The following AP4S1 variants were observed in gnomAD, a reference collection of about 807,000 sequenced individuals.
The protein encoded by AP4S1 is adaptor related protein complex 4 subunit sigma 1, also known as AP-4 complex subunit sigma-1.
In AP4S1, 23 loss-of-function variants were observed where a neutral mutation model predicts 19.8. The ratio of observed to expected loss-of-function variants is 1.16; its 90% confidence interval spans 0.84 to 1.65. AP4S1 has a LOEUF of 1.65. Ranked by LOEUF, AP4S1 falls within the 40% of genes most tolerant of loss-of-function variation. The pLI is 0.00. For missense variants in AP4S1, 166 were observed against 172.8 expected (o/e 0.96, Z 0.22); for synonymous variants, 46 against 54.1 (o/e 0.85, Z 0.66).
chr14:31,076,871 AG>A (rs1476012635), intron 4 of AP4S1, among the ~76,000 whole-genome samples: 1 of 152,222 alleles, frequency 6.6e-6, no homozygotes, highest in African/African-American at 2.4e-5. Flanking sequence ...TTGGTACCAT[AG>A]GCCTTCCTGA....
Position 31,041,224 on chromosome 14 carries a change from A to G in AP4S1, c.-72+15437A>G, listed in dbSNP as rs113300224. On this transcript the variant is annotated intron_variant, in intron 1 of 5. Transcript: ENST00000542754. ...GAGTGCAGTGGCGTAATCTCTGCTCACTGCAACCTCCACCTCCTGAGTTCA... is the reference window on the plus strand; with the variant it reads ...GAGTGCAGTGGCGTAATCTCTGCTCGCTGCAACCTCCACCTCCTGAGTTCA... Among the ~76,000 whole-genome samples, 11 of 152,130 alleles carry G rather than the reference A, an allele frequency of 7.2e-5. 1 individual carries two copies. Among genetic ancestry groups the G allele is most frequent in the African/African-American group, 1.9e-4 (8 of 41,554 alleles).
At chr14:31,031,342 G>T (rs1884376559) in intron 1 of AP4S1, among the ~76,000 whole-genome samples, 1 of 152,160 alleles carries the variant, frequency 6.6e-6, no homozygotes, top group South Asian at 2.1e-4. Context: ...CTGAAGGATT[G>T]CAGCCTTGTA....
intron 1 of AP4S1, among the ~76,000 whole-genome samples, chr14:31,040,888 C>T (rs1212018336): frequency 6.6e-6 from 1 of 151,750 alleles, no homozygotes; most frequent in Non-Finnish European, 1.5e-5. Context: ...ATGTACATAA[C>T]ATGGTGAAAC....
At chr14:31,050,521 G>T (rs1885730235) in intron 1 of AP4S1, among the ~76,000 whole-genome samples, 1 of 151,924 alleles carries the variant, frequency 6.6e-6, no homozygotes. Context: ...TTGCTATGAG[G>T]CTGGTCTCAA....
Position 31,069,925 on chromosome 14 carries a change from C to CT in AP4S1, c.222dup (p.Glu75Ter). ...TTCATTGTGGTTGGAGTTAATGACACTGAGGTAAGATAATAGAAGAGCCCT... is the reference window on the plus strand; with the variant it reads ...TTCATTGTGGTTGGAGTTAATGACACTTGAGGTAAGATAATAGAAGAGCCCT... On this transcript the variant is annotated frameshift_variant, in exon 3 of 6. Coordinates refer to ENST00000542754, the MANE Select transcript of AP4S1 (RefSeq NM_001128126.3). LOFTEE classifies it high-confidence loss of function. 1.2e-6 allele frequency: 2 copies of CT among 1,608,090 alleles called. No individual in the cohort carries two copies. The highest frequency in any genetic ancestry group is 1.7e-6 in the Non-Finnish European group (2 of 1,174,500).
intron 4 of AP4S1, among the ~76,000 whole-genome samples, chr14:31,077,186 C>T (rs56075793): frequency 0.014 from 2,061 of 152,336 alleles, 17 homozygotes; most frequent in Non-Finnish European, 0.02. Context: ...ATCCGCCCGC[C>T]TCAGCCTCCC....
intron 4 of AP4S1, among the ~76,000 whole-genome samples, chr14:31,074,835 C>A (rs1196344130): frequency 2.0e-5 from 3 of 151,720 alleles, no homozygotes; most frequent in Admixed American, 2.0e-4. Flanking sequence ...ATCCCCTCCA[C>A]CCACACCAGG....
Position 31,078,727 on chromosome 14 carries a change from C to T in AP4S1, c.295-1846C>T, listed in dbSNP as rs544804536. Among the ~76,000 whole-genome samples the T allele has an allele frequency of 1.7e-3, 252 of 152,126 alleles. 1 individual carries two copies. The highest frequency in any genetic ancestry group is 5.4e-3 in the African/African-American group (225 of 41,488). The stretch of plus-strand genomic sequence containing the variant: ...GTATAATTTTAGGGAGAGTCAGTGA[C>T]CACATAAACCACGAAAGTAAAGATT... On this transcript the variant is annotated intron_variant, in intron 4 of 5. Coordinates refer to ENST00000542754, the MANE Select transcript of AP4S1 (RefSeq NM_001128126.3).
At chr14:31,051,533 C>T (rs1885795591) in intron 1 of AP4S1, among the ~76,000 whole-genome samples, 1 of 152,132 alleles carries the variant, frequency 6.6e-6, no homozygotes, top group Non-Finnish European at 1.5e-5. Context: ...ATACAAAAAT[C>T]TTTATCTATT....
At chr14:31,045,391 G>A (rs895464336) in intron 1 of AP4S1, among the ~76,000 whole-genome samples, 9 of 152,100 alleles carry the variant, frequency 5.9e-5, no homozygotes, top group African/African-American at 2.2e-4. Context: ...TTGAATCATG[G>A]GGGCAGTTTC....
chr14:31,091,256 T>G (rs1180067475), intron 5 of AP4S1, among the ~76,000 whole-genome samples: 1 of 152,186 alleles, frequency 6.6e-6, no homozygotes, highest in Non-Finnish European at 1.5e-5. Context: ...GGCGACATTT[T>G]CAAAGGCACT....
intron 5 of AP4S1, among the ~76,000 whole-genome samples, chr14:31,084,553 G>A (rs962470436): frequency 2.6e-5 from 4 of 152,146 alleles, no homozygotes; most frequent in East Asian, 1.9e-4. Flanking sequence ...CAGGTGGGGC[G>A]GGCTGCCCCC....
chr14:31,033,811 T>C (rs964411816), intron 1 of AP4S1, among the ~76,000 whole-genome samples: 1 of 152,186 alleles, frequency 6.6e-6, no homozygotes, highest in African/African-American at 2.4e-5. Flanking sequence ...AGAAAATAGA[T>C]ACCAAACCTT....
At position 31,066,364 on chromosome 14, in the gene AP4S1, G is replaced by C. The variant is rs1377862924; in HGVS notation, c.138+30G>C. ...GTCTCTGGTTCTCTCTTTTATCTCT[G>C]CATTCAACTCAGCCTTGGCAGATTT... On this transcript the variant is annotated intron_variant, in intron 2 of 5. Transcript: ENST00000542754. The C allele has an allele frequency of 3.1e-6, 5 of 1,613,394 alleles. No individual in the cohort carries two copies. The South Asian group carries it at 5.5e-5, about 18-fold the overall frequency.
At chr14:31,080,993 T>A (rs1315887811) in intron 5 of AP4S1, among the ~76,000 whole-genome samples, 1 of 152,110 alleles carries the variant, frequency 6.6e-6, no homozygotes, top group Non-Finnish European at 1.5e-5. Context: ...GGTTTCACCA[T>A]GTTGGCCAGG....
intron 1 of AP4S1, chr14:31,026,527 G>C: frequency 4.2e-6 from 1 of 236,346 alleles, no homozygotes; most frequent in Non-Finnish European, 8.2e-6. Flanking sequence ...GCCAAATAGA[G>C]TCCGGCCTCA....
chr14:31,047,144 A>C (rs1208024168), intron 1 of AP4S1, among the ~76,000 whole-genome samples: 5 of 152,126 alleles, frequency 3.3e-5, no homozygotes, highest in African/African-American at 1.2e-4. Context: ...TGTCATTCAT[A>C]TATCCTCTTC....
intron 1 of AP4S1, chr14:31,026,648 A>G (rs1883987265): frequency 1.3e-5 from 2 of 155,640 alleles, no homozygotes; most frequent in Admixed American, 6.5e-5. Flanking sequence ...GTCTGGCCGC[A>G]GCTACCGGAC....
At chr14:31,085,906 C>T (rs937106344) in intron 5 of AP4S1, 49 of 902,312 alleles carry the variant, frequency 5.4e-5, no homozygotes, top group Non-Finnish European at 6.5e-5. Context: ...ATTCATGTCC[C>T]TTCTATTGCA....
Sources: allele counts gnomAD v4.1 joint callset (sites outside exome capture counted in the v4.1 genomes callset), GRCh38; gene constraint gnomAD v4.1.1; transcripts MANE v1.5; gene names NCBI Gene and HGNC (gene_info 2026-07-23, HGNC 2026-07-21).